Variants in LIN7A observed in about 807,000 individuals in gnomAD.
LIN7A encodes the protein protein lin-7 homolog A.
Under a neutral mutation model 29.8 loss-of-function variants are expected in LIN7A, and 25 were observed. That is an observed-to-expected ratio of 0.84 (90% CI 0.61 to 1.17). The LOEUF (loss-of-function observed/expected upper bound fraction) is 1.17. Among genes scored for constraint, LIN7A ranks in the 50% most tolerant of loss-of-function variants. The pLI, the probability that LIN7A is intolerant of heterozygous loss-of-function variation, is 0.00. For missense variants in LIN7A, 239 were observed against 287.0 expected, an observed-to-expected ratio of 0.83 and a Z score of 1.21; for synonymous variants, 118 against 107.5, an observed-to-expected ratio of 1.10 and a Z score of -0.60.
chr12:80,867,172 C>T (rs1874185051), intron 2 of LIN7A, among the ~76,000 whole-genome samples: 1 of 152,006 alleles, frequency 6.6e-6, no homozygotes, highest in South Asian at 2.1e-4. Flanking sequence ...GTCTTGAGCT[C>T]CTGGCCTCAA....
At chr12:80,861,688 C>T (rs557569415) in intron 2 of LIN7A, among the ~76,000 whole-genome samples, 39 of 152,340 alleles carry the variant, frequency 2.6e-4, no homozygotes, top group Non-Finnish European at 4.6e-4. Flanking sequence ...GGTTGCAAAG[C>T]GAGGTGCCCA....
intron 4 of LIN7A, among the ~76,000 whole-genome samples, chr12:80,845,232 A>G (rs1317708098): frequency 1.6e-5 from 1 of 61,530 alleles, no homozygotes; most frequent in Admixed American, 1.9e-4. Flanking sequence ...GTGAGATTCC[A>G]TCTCAAAAAA....
rs201204436 is a variant in LIN7A, at chr12:80,908,830, TA to T, written c.83-19462del. On this transcript the variant is annotated intron_variant, in intron 1 of 5. Coordinates refer to ENST00000552864, the MANE Select transcript of LIN7A (RefSeq NM_004664.4). ...TACAAATCTTTTATTCGTTTTTTTT[TA>T]AAAGTTGGTTATTTTCTTTTATTGT... is the stretch of plus-strand genomic sequence containing the variant. Among the ~76,000 whole-genome samples the T allele has an allele frequency of 2.7e-3, 412 of 152,202 alleles. 1 individual carries two copies. The highest frequency in any genetic ancestry group is 9.3e-3 in the African/African-American group (387 of 41,570).
At chr12:80,921,058 C>T (rs954740605) in intron 1 of LIN7A, among the ~76,000 whole-genome samples, 1 of 152,106 alleles carries the variant, frequency 6.6e-6, no homozygotes, top group Non-Finnish European at 1.5e-5. Flanking sequence ...TATGCTGAAG[C>T]CTAATCACCA....
rs1465935559 is a variant in LIN7A, at chr12:80,870,035, AC to A, written c.201+19215del. Among the ~76,000 whole-genome samples the A allele has an allele frequency of 3.3e-5, 5 of 152,320 alleles. No homozygotes were observed. In the South Asian group the frequency reaches 6.2e-4, roughly 19 times the overall value. On this transcript the variant is annotated intron_variant, in intron 2 of 5. Transcript: ENST00000552864. ...TTAAAAGAAAGATATGGTATATTTA[AC>A]TTAAGGAGAAAAAACTTGCCAGTTG...
At chr12:80,801,379 C>T (rs187221393) in intron 5 of LIN7A, among the ~76,000 whole-genome samples, 13 of 152,142 alleles carry the variant, frequency 8.5e-5, no homozygotes, top group Middle Eastern at 3.4e-3. Context: ...ATTCCACTAC[C>T]GCTACTCGTT....
At chr12:80,806,529 T>TA (rs1209118427) in intron 5 of LIN7A, among the ~76,000 whole-genome samples, 1 of 152,166 alleles carries the variant, frequency 6.6e-6, no homozygotes, top group South Asian at 2.1e-4. Flanking sequence ...CCATCTCAGA[T>TA]AAAAAAACAT....
rs923384465 is a variant in LIN7A at position 80,795,550 on chromosome 12, A to G, written c.*2177T>C. 1.3e-5 allele frequency: 2 copies of G among 152,134 alleles called. No homozygotes were observed. Among genetic ancestry groups the G allele is most frequent in the Non-Finnish European group, 2.9e-5 (2 of 67,992 alleles). 9.4% of individuals were successfully genotyped at this position (152,134 alleles called of 1,614,324 possible). On this transcript the variant is annotated 3_prime_UTR_variant, in exon 6 of 6. Coordinates refer to ENST00000552864, the MANE Select transcript of LIN7A (RefSeq NM_004664.4). ...AATATTTGTATTGATGTGAAACCAT[A>G]TGATAACTTTAATTTTGACCAAACA... is the stretch of plus-strand genomic sequence containing the variant.
intron 2 of LIN7A, chr12:80,861,280 GT>G (rs1873863588): frequency 6.6e-6 from 1 of 151,444 alleles, no homozygotes; most frequent in Admixed American, 6.6e-5. Flanking sequence ...TATCTCGGGA[GT>G]TTCAGTCGTC....
intron 4 of LIN7A, among the ~76,000 whole-genome samples, chr12:80,842,483 CT>C (rs1397400919): frequency 3.3e-5 from 5 of 152,158 alleles, no homozygotes; most frequent in African/African-American, 1.2e-4. Context: ...CTCCAAAGCA[CT>C]TCCTTTCATA....
chr12:80,817,672 C>A (rs910769272), intron 4 of LIN7A, among the ~76,000 whole-genome samples: 4 of 152,100 alleles, frequency 2.6e-5, no homozygotes, highest in Admixed American at 2.6e-4. Flanking sequence ...AAACACAGAA[C>A]ATTATACCTA....
intron 1 of LIN7A, among the ~76,000 whole-genome samples, chr12:80,891,008 T>C (rs2120659772): frequency 6.6e-6 from 1 of 152,232 alleles, no homozygotes; most frequent in South Asian, 2.1e-4. Flanking sequence ...TTGTTCCATA[T>C]TTCTAAAAAT....
intron 2 of LIN7A, among the ~76,000 whole-genome samples, chr12:80,878,600 G>A (rs920432512): frequency 4.6e-5 from 7 of 152,178 alleles, no homozygotes; most frequent in East Asian, 1.9e-4. Flanking sequence ...TCCACAGTAC[G>A]GAAAGAGATC....
At chr12:80,918,372 A>T (rs1520805) in intron 1 of LIN7A, among the ~76,000 whole-genome samples, 31,760 of 151,942 alleles carry the variant, frequency 0.21, 6,047 homozygotes, top group African/African-American at 0.49. Flanking sequence ...TGAAAGGTGG[A>T]TTCCTGAACC....
intron 4 of LIN7A, among the ~76,000 whole-genome samples, chr12:80,814,457 G>A (rs550706084): frequency 1.3e-5 from 2 of 152,272 alleles, no homozygotes; most frequent in African/African-American, 4.8e-5. Flanking sequence ...CAGATCATCA[G>A]TCTGTAGACT....
chr12:80,931,650 A>AG (rs1280592225), intron 1 of LIN7A, among the ~76,000 whole-genome samples: 1 of 151,988 alleles, frequency 6.6e-6, no homozygotes, highest in Admixed American at 6.6e-5. Flanking sequence ...AGAAAAAAAA[A>AG]AAAAAAATGG....
intron 4 of LIN7A, among the ~76,000 whole-genome samples, chr12:80,843,610 G>T (rs552436487): frequency 6.6e-6 from 1 of 151,952 alleles, no homozygotes; most frequent in South Asian, 2.1e-4. Context: ...TTCACCAGTA[G>T]CCACATTTAC....
At chr12:80,924,811 A>G (rs1877495401) in intron 1 of LIN7A, among the ~76,000 whole-genome samples, 1 of 152,230 alleles carries the variant, frequency 6.6e-6, no homozygotes, top group African/African-American at 2.4e-5. Flanking sequence ...AAATAAAATA[A>G]GACAGCTGAA....
chr12:80,933,930 G>A (rs900274655), intron 1 of LIN7A, among the ~76,000 whole-genome samples: 3 of 152,076 alleles, frequency 2.0e-5, no homozygotes, highest in Non-Finnish European at 4.4e-5. Context: ...GCATGCAAAT[G>A]CCATTAGATT....
Sources: gnomAD v4.1 joint callset for allele counts (sites outside exome capture counted in the v4.1 genomes callset) on GRCh38, gnomAD v4.1.1 for gene constraint, MANE v1.5 for transcripts, NCBI Gene and HGNC (gene_info 2026-07-23, HGNC 2026-07-21) for gene names.